RBPMS: variants seen among roughly 807,000 people sequenced by gnomAD.
The protein encoded by RBPMS is RNA binding protein, mRNA processing factor, also known as RNA-binding protein with multiple splicing.
In RBPMS, 7 loss-of-function variants were observed where a neutral mutation model predicts 26.8. The observed-to-expected ratio is 0.26, with a 90% CI of 0.15 to 0.49. RBPMS has a LOEUF of 0.49. Among genes scored for constraint, RBPMS ranks in the 20% least tolerant of loss-of-function variants. The pLI is 0.98. For missense variants in RBPMS, 186 were observed against 250.0 expected (o/e 0.74, Z 1.73); for synonymous variants, 96 against 93.3 (o/e 1.03, Z -0.17).
intron 1 of RBPMS, among the ~76,000 whole-genome samples, chr8:30,391,118 C>T (rs763694027): frequency 2.7e-5 from 4 of 150,334 alleles, no homozygotes; most frequent in African/African-American, 1.0e-4. Flanking sequence ...AAATTACTTC[C>T]ATCCCTTTGT....
chr8:30,556,621 G>A (rs1373862177), intron 6 of RBPMS: 20 of 986,068 alleles, frequency 2.0e-5, no homozygotes, highest in Non-Finnish European at 2.4e-5. Flanking sequence ...CACTGACCCA[G>A]TGCACACAGA....
chr8:30,545,195 T>C, intron 6 of RBPMS: 1 of 1,292,728 alleles, frequency 7.7e-7, no homozygotes, highest in Non-Finnish European at 1.0e-6. Context: ...TACAAGATAG[T>C]GTCTAAGATG....
chr8:30,512,836 A>C (rs1348702955), intron 5 of RBPMS, among the ~76,000 whole-genome samples: 1 of 152,234 alleles, frequency 6.6e-6, no homozygotes, highest in Non-Finnish European at 1.5e-5. Flanking sequence ...TAGGAAACTG[A>C]TAAGAGCAGA....
At chr8:30,445,216 A>C (rs1477912118) in intron 1 of RBPMS, 1 of 152,176 alleles carries the variant, frequency 6.6e-6, no homozygotes, top group African/African-American at 2.4e-5. Context: ...TTTCTACTTA[A>C]TACACATATT....
At chr8:30,517,277 CAT>C (rs1362071013) in intron 5 of RBPMS, among the ~76,000 whole-genome samples, 1 of 145,614 alleles carries the variant, frequency 6.9e-6, no homozygotes, top group Non-Finnish European at 1.5e-5. Context: ...TTTTGGAAAA[CAT>C]TGGCAGAAAT....
At chr8:30,495,155 A>G (rs115911628) in intron 4 of RBPMS, among the ~76,000 whole-genome samples, 1,649 of 152,306 alleles carry the variant, frequency 0.011, 33 homozygotes, top group African/African-American at 0.036. Flanking sequence ...GAAATCAAAG[A>G]TAAACCTGTG....
chr8:30,440,802 T>C (rs1812981677), intron 1 of RBPMS, among the ~76,000 whole-genome samples: 2 of 151,824 alleles, frequency 1.3e-5, no homozygotes, highest in Non-Finnish European at 2.9e-5. Context: ...AACTTTTTTT[T>C]TTTTTTTAAG....
intron 1 of RBPMS, among the ~76,000 whole-genome samples, chr8:30,419,313 G>A (rs983553760): frequency 6.6e-6 from 1 of 152,102 alleles, no homozygotes; most frequent in African/African-American, 2.4e-5. Context: ...GGGCATGGTG[G>A]TGCACGTCTG....
intron 5 of RBPMS, chr8:30,537,552 C>CA (rs750915033): frequency 4.4e-6 from 2 of 455,702 alleles, no homozygotes; most frequent in Non-Finnish European, 8.8e-6. Flanking sequence ...TATGTCTTTA[C>CA]ATAGAGAATA....
chr8:30,556,105 GC>G (rs1404272246), intron 6 of RBPMS: 3 of 985,242 alleles, frequency 3.0e-6, no homozygotes, highest in Non-Finnish European at 2.4e-6. Context: ...GGTGAGAAGA[GC>G]CCCCCACTTG....
intron 5 of RBPMS, among the ~76,000 whole-genome samples, chr8:30,524,760 TCTA>T (rs1401796656): frequency 2.6e-5 from 4 of 152,188 alleles, no homozygotes; most frequent in Non-Finnish European, 4.4e-5. Flanking sequence ...ATTACTTAGA[TCTA>T]CTAATTCATT....
At chr8:30,491,784 A>G (rs1415811969) in intron 4 of RBPMS, among the ~76,000 whole-genome samples, 1 of 152,200 alleles carries the variant, frequency 6.6e-6, no homozygotes, top group Non-Finnish European at 1.5e-5. Flanking sequence ...ATGACCTAAC[A>G]AGCACTTAAG....
At chr8:30,553,212 G>A (rs1196365202) in intron 6 of RBPMS, 4 of 152,226 alleles carry the variant, frequency 2.6e-5, no homozygotes, top group Non-Finnish European at 5.9e-5. Context: ...GCCGATTCTG[G>A]GGGGCAGGGA....
chr8:30,479,051 C>T lies in RBPMS; in HGVS notation c.184-264C>T, dbSNP rs138813826. ...CTATTCCCTTGTTCACTGCTGTTCA[C>T]CTTTCAACCACTTCTAGATTTTTTT... On this transcript the variant is annotated intron_variant, in intron 3 of 8. Coordinates refer to ENST00000397323, the MANE Select transcript of RBPMS (RefSeq NM_001008710.3). 1.8e-4 allele frequency among the ~76,000 whole-genome samples: 27 copies of T among 152,332 alleles called. No individual in the cohort carries two copies. The East Asian group carries it at 4.6e-3, about 26-fold the overall frequency.
intron 5 of RBPMS, among the ~76,000 whole-genome samples, chr8:30,516,867 C>G (rs1008588498): frequency 5.4e-5 from 8 of 148,702 alleles, no homozygotes; most frequent in Non-Finnish European, 1.2e-4. Context: ...TCACTGCACT[C>G]CAGCCTGGCC....
chr8:30,560,858 GA>G (rs1326460085), intron 7 of RBPMS, among the ~76,000 whole-genome samples: 10 of 152,162 alleles, frequency 6.6e-5, no homozygotes, highest in Non-Finnish European at 1.5e-4. Context: ...CTCTTAGCCA[GA>G]AACGAAACCA....
intron 7 of RBPMS, among the ~76,000 whole-genome samples, chr8:30,559,319 A>C (rs1563452597): frequency 6.6e-6 from 1 of 152,242 alleles, no homozygotes. Flanking sequence ...AGGAATAGTC[A>C]TCCACTAATT....
At chr8:30,532,835 T>C (rs1310554987) in intron 5 of RBPMS, among the ~76,000 whole-genome samples, 1 of 152,162 alleles carries the variant, frequency 6.6e-6, no homozygotes, top group Non-Finnish European at 1.5e-5. Context: ...GAGTTCCATT[T>C]CCAAATGGTT....
At chr8:30,547,026 C>G (rs1825924398) in intron 6 of RBPMS, among the ~76,000 whole-genome samples, 2 of 152,150 alleles carry the variant, frequency 1.3e-5, no homozygotes, top group Admixed American at 6.5e-5. Context: ...GATCTTTCTT[C>G]TCTAAGTAGA....
Sources: gnomAD v4.1 joint callset for allele counts (sites outside exome capture counted in the v4.1 genomes callset) on GRCh38, gnomAD v4.1.1 for gene constraint, MANE v1.5 for transcripts, NCBI Gene and HGNC (gene_info 2026-07-23, HGNC 2026-07-21) for gene names.